The following GARRE1 variants were observed in gnomAD, a reference collection of about 807,000 sequenced individuals.
The protein encoded by GARRE1 is granule associated Rac and RHOG effector protein 1.
GARRE1 carries 49 observed loss-of-function variants against 103.2 expected under a neutral mutation model. The ratio of observed to expected loss-of-function variants is 0.47; its 90% CI spans 0.38 to 0.60. The LOEUF (loss-of-function observed/expected upper bound fraction) is 0.60, where lower values mean the gene tolerates loss of function less well. GARRE1 is among the 20% of genes least tolerant of loss of function. The probability of loss-of-function intolerance (pLI) is 0.00; values close to 1 mark genes in which losing one functional copy is unlikely to be tolerated. For missense variants in GARRE1, 1,199 were observed against 1,370.5 expected (o/e 0.87, Z 1.98); for synonymous variants, 505 against 532.8 (o/e 0.95, Z 0.72).
intron 1 of GARRE1, among the ~76,000 whole-genome samples, chr19:34,274,618 G>A (rs2073806181): frequency 6.6e-6 from 1 of 152,172 alleles, no homozygotes; most frequent in Admixed American, 6.5e-5. Flanking sequence ...GGGTTCTGGA[G>A]CACAGGACAA....
intron 2 of GARRE1, among the ~76,000 whole-genome samples, chr19:34,304,043 T>G (rs2073994416): frequency 6.6e-6 from 1 of 152,120 alleles, no homozygotes; most frequent in African/African-American, 2.4e-5. Context: ...CTGGTATAAG[T>G]GTATAGTCAC....
chr19:34,319,881 C>T, intron 2 of GARRE1, 26 bp from the exon 3 acceptor site: 2 of 1,605,918 alleles, frequency 1.2e-6, no homozygotes, highest in Non-Finnish European at 1.7e-6. Flanking sequence ...ACAACCTAAA[C>T]ATCCCTGGCT....
intron 8 of GARRE1, among the ~76,000 whole-genome samples, chr19:34,334,126 C>G (rs2074150105): frequency 6.6e-6 from 1 of 152,120 alleles, no homozygotes; most frequent in South Asian, 2.1e-4. Context: ...CTCTAAGTCA[C>G]CCAGTGTTCA....
At chr19:34,342,680 T>G (rs1296200871) in intron 10 of GARRE1, among the ~76,000 whole-genome samples, 1 of 152,102 alleles carries the variant, frequency 6.6e-6, no homozygotes, top group Non-Finnish European at 1.5e-5. Context: ...TCTTACTTTA[T>G]AGAGAACAGA....
At position 34,301,952 on chromosome 19, in the gene GARRE1, G is replaced by A. The variant is rs531984028; in HGVS notation, c.495+984G>A. The stretch of plus-strand genomic sequence containing the variant: ...CCCGCCTTGGTCTCCCAAAGTGTTG[G>A]GATTACAGGTGTGAGCCACTGCGCC... On this transcript the variant is annotated intron_variant, in intron 2 of 13. Transcript: ENST00000299505. Among the ~76,000 whole-genome samples, 322 of 143,042 alleles carry A rather than the reference G, an allele frequency of 2.3e-3. 1 individual carries two copies. Among genetic ancestry groups the A allele is most frequent in the Non-Finnish European group, 4.2e-3 (278 of 66,238 alleles). 93.8% of individuals were successfully genotyped at this position (143,042 alleles called of 152,430 possible).
At chr19:34,338,817 T>A (rs914655163) in intron 8 of GARRE1, among the ~76,000 whole-genome samples, 57 of 152,132 alleles carry the variant, frequency 3.7e-4, no homozygotes, top group African/African-American at 1.4e-3. Context: ...TGAAGAGTTT[T>A]AAGCAGGGGA....
chr19:34,300,447 G>A lies in GARRE1; in HGVS notation c.-27G>A, dbSNP rs368217436. The A allele has an allele frequency of 8.5e-6, 13 of 1,523,896 alleles. No individual in the cohort carries two copies. The highest frequency in any genetic ancestry group is 3.9e-5 in the South Asian group (3 of 77,502). 94.4% of individuals were successfully genotyped at this position (1,523,896 alleles called of 1,614,324 possible). A position where few individuals can be genotyped will look rare whatever the true frequency, so the allele number is the denominator to read the frequency against. On this transcript the variant is annotated 5_prime_UTR_variant, in exon 2 of 14. Transcript: ENST00000299505. ...AGAATCAGAACCCTGACCCACTTAC[G>A]GTTGCTGGGACAATTCCCCCTCCCG...
At chr19:34,307,815 T>TAA (rs376893482) in intron 2 of GARRE1, among the ~76,000 whole-genome samples, 1 of 96,668 alleles carries the variant, frequency 1.0e-5, no homozygotes, top group Non-Finnish European at 2.1e-5. Context: ...TATATATATA[T>TAA]TTTTTTTTTT....
At chr19:34,326,241 G>A (rs561533354) in intron 3 of GARRE1, among the ~76,000 whole-genome samples, 15 of 152,248 alleles carry the variant, frequency 9.9e-5, no homozygotes, top group African/African-American at 3.4e-4. Context: ...GGAACTTTAC[G>A]GCATTATAGC....
intron 2 of GARRE1, among the ~76,000 whole-genome samples, chr19:34,313,624 C>G (rs1439172631): frequency 2.0e-5 from 3 of 152,134 alleles, no homozygotes; most frequent in East Asian, 1.9e-4. Context: ...TCTTTGTAAT[C>G]AGTTTATCAA....
intron 13 of GARRE1, 45 bp downstream of exon 13, chr19:34,351,637 C>T (rs766556833): frequency 7.2e-7 from 1 of 1,398,304 alleles, no homozygotes; most frequent in Non-Finnish European, 1.0e-6. Context: ...CTAGCTTCCA[C>T]AGCTGCAGTT....
intron 1 of GARRE1, among the ~76,000 whole-genome samples, chr19:34,291,536 C>G (rs972158444): frequency 1.1e-4 from 17 of 152,140 alleles, no homozygotes; most frequent in African/African-American, 4.1e-4. Flanking sequence ...CTTACTGCAT[C>G]ACCCCAAGGC....
At chr19:34,336,231 T>C (rs1391667674) in intron 8 of GARRE1, among the ~76,000 whole-genome samples, 1 of 152,114 alleles carries the variant, frequency 6.6e-6, no homozygotes, top group Non-Finnish European at 1.5e-5. Context: ...GCTCAAGCGA[T>C]CCCCCTGCCT....
chr19:34,339,745 G>A (rs1331571217), intron 8 of GARRE1, 122 bp from the exon 9 acceptor site: 2 of 1,133,004 alleles, frequency 1.8e-6, no homozygotes, highest in Non-Finnish European at 2.6e-6. Flanking sequence ...TGTTCTTACA[G>A]TTACTGAATT....
chr19:34,325,729 C>T (rs1346960010), intron 3 of GARRE1, among the ~76,000 whole-genome samples: 1 of 152,198 alleles, frequency 6.6e-6, no homozygotes, highest in Non-Finnish European at 1.5e-5. Flanking sequence ...CCTAGACCTG[C>T]CTAGTCTGGC....
At position 34,300,695 on chromosome 19, in the gene GARRE1, C is replaced by G. The variant is rs202077029; in HGVS notation, c.222C>G (p.Ala74=). 6.2e-7 allele frequency: 1 copy of G among 1,614,144 alleles called. No individual in the cohort carries two copies. Among genetic ancestry groups the G allele is most frequent in the Non-Finnish European group, 8.5e-7 (1 of 1,180,032 alleles). The stretch of plus-strand genomic sequence containing the variant: ...CCATGCCCCACACTACTCCTATCGC[C>G]GACATCCAGCAGGGCATCTCCAAGT... ...HHAMPHTTPI[A]DIQQGISKYL... is the part of the protein sequence containing the mutation. The change falls in exon 2 of 14, where the codon GCC becomes GCG. Residue 74 remains alanine (A), a synonymous_variant. Coordinates refer to ENST00000299505, the MANE Select transcript of GARRE1 (RefSeq NM_014686.5).
At chr19:34,334,631 G>A (rs1040251323) in intron 8 of GARRE1, among the ~76,000 whole-genome samples, 1 of 151,578 alleles carries the variant, frequency 6.6e-6, no homozygotes, top group African/African-American at 2.4e-5. Context: ...CCCAGGAGGC[G>A]GAGGTTGCAG....
At chr19:34,311,184 G>T (rs1417164910) in intron 2 of GARRE1, among the ~76,000 whole-genome samples, 1 of 152,066 alleles carries the variant, frequency 6.6e-6, no homozygotes, top group African/African-American at 2.4e-5. Flanking sequence ...TAGAGTTGGG[G>T]TTCCATTACA....
intron 1 of GARRE1, among the ~76,000 whole-genome samples, chr19:34,260,945 G>T (rs1373830598): frequency 6.6e-6 from 1 of 152,162 alleles, no homozygotes; most frequent in African/African-American, 2.4e-5. Flanking sequence ...GGGGTGGCGG[G>T]TCCAAGAGAG....
Sources: allele counts gnomAD v4.1 joint callset (sites outside exome capture counted in the v4.1 genomes callset), GRCh38; gene constraint gnomAD v4.1.1; transcripts MANE v1.5; gene names NCBI Gene and HGNC (gene_info 2026-07-23, HGNC 2026-07-21).